The following TCFL5 variants were observed in gnomAD, a reference collection of about 807,000 sequenced individuals.
The protein encoded by TCFL5 is transcription factor-like 5 protein.
TCFL5 carries 9 observed loss-of-function variants against 44.3 expected under a neutral mutation model. The ratio of observed to expected loss-of-function variants is 0.20; its 90% CI spans 0.12 to 0.35. The LOEUF (loss-of-function observed/expected upper bound fraction) is 0.35. Ranked by LOEUF, TCFL5 falls within the 10% of genes least tolerant of loss-of-function variation. The probability of loss-of-function intolerance (pLI) is 1.00; values close to 1 mark genes in which losing one functional copy is unlikely to be tolerated. For missense variants in TCFL5, 603 were observed against 613.4 expected (o/e 0.98, Z 0.18); for synonymous variants, 319 against 271.6 (o/e 1.17, Z -1.72).
chr20:62,848,066 C>G (rs1465343377), intron 5 of TCFL5, among the ~76,000 whole-genome samples: 1 of 152,226 alleles, frequency 6.6e-6, no homozygotes, highest in South Asian at 2.1e-4. Context: ...CGGGAGAAGT[C>G]ACAGCGTGTC....
chr20:62,844,627 G>A (rs1335462113), intron 5 of TCFL5, among the ~76,000 whole-genome samples: 1 of 149,286 alleles, frequency 6.7e-6, no homozygotes, highest in African/African-American at 2.5e-5. Context: ...ACCCAGGCTG[G>A]AGTGCAACAG....
chr20:62,853,840 C>A (rs1343254699), intron 5 of TCFL5, among the ~76,000 whole-genome samples, 176 bp downstream of exon 5: 7 of 152,172 alleles, frequency 4.6e-5, no homozygotes, highest in Admixed American at 4.6e-4. Context: ...GTGACTATTA[C>A]TTTAATAAAT....
chr20:62,854,371 G>C (rs867976376), intron 4 of TCFL5, among the ~76,000 whole-genome samples: 2 of 152,172 alleles, frequency 1.3e-5, no homozygotes, highest in African/African-American at 4.8e-5. Context: ...GAGCATCCTC[G>C]GGTGCCCTTG....
Position 62,861,439 on chromosome 20 carries a change from T to C in TCFL5, c.232A>G (p.Asn78Asp). Residue 78 changes from asparagine to aspartate, a missense_variant, in exon 1 of 6, where the codon AAC becomes GAC. Asn to Asp is a conservative substitution (Grantham distance 23). Transcript: ENST00000335351. This position sits in a 1 kb window ranked among gnomAD's most constrained non-coding sequence, Gnocchi z 4.0. ...CCCGCCGCCGCCAGCAGCGCCGAGT[T>C]GAGGCGCGTCTCGAGCTCGCCGTCA... ...AADGELETRLNSALLAAAGPG... is the reference protein window; with the variant it reads ...AADGELETRLDSALLAAAGPG... 1 of 1,164,746 alleles carries C rather than the reference T, an allele frequency of 8.6e-7. No homozygotes were observed. The highest frequency in any genetic ancestry group is 1.1e-6 in the Non-Finnish European group (1 of 936,136). The allele number at this position is 1,164,746 out of a possible 1,614,324, so 72.2% of individuals were successfully genotyped here.
intron 5 of TCFL5, among the ~76,000 whole-genome samples, chr20:62,849,497 T>C (rs1226052562): frequency 6.6e-6 from 1 of 152,148 alleles, no homozygotes; most frequent in Non-Finnish European, 1.5e-5. Flanking sequence ...GCTTGAAAAC[T>C]GTCATCAAAT....
At position 62,861,047 on chromosome 20, in the gene TCFL5, G is replaced by C. The variant is rs1568799688; in HGVS notation, c.624C>G (p.Pro208=). ...ACTTGTTGAGCGCCCCGCCCGGCTCGGGGGGCTCGGGGCCGCGCGGCGCGG... is the reference window on the plus strand; with the variant it reads ...ACTTGTTGAGCGCCCCGCCCGGCTCCGGGGGCTCGGGGCCGCGCGGCGCGG... ...PPPAPRGPEP[P]EPGGALNNLV... The change falls in exon 1 of 6, where the codon CCC becomes CCG. Residue 208 remains proline (P), a synonymous_variant. Transcript: ENST00000335351. The surrounding 1 kb of genome is among the most constrained non-coding windows in gnomAD (Gnocchi z 4.0). The C allele has an allele frequency of 4.0e-6, 4 of 994,936 alleles. No homozygotes were observed. The Admixed American group carries it at 2.4e-4, about 61-fold the overall frequency. The allele number at this position is 994,936 out of a possible 1,614,324, so 61.6% of individuals were successfully genotyped here.
chr20:62,860,340 A>T (rs768483432), intron 1 of TCFL5, 32 bp from the exon 2 acceptor site: 13 of 1,582,126 alleles, frequency 8.2e-6, no homozygotes, highest in African/African-American at 1.3e-5. Flanking sequence ...CAGAAGTGTC[A>T]GCAATACGTG....
intron 4 of TCFL5, among the ~76,000 whole-genome samples, chr20:62,856,247 C>T (rs770960316): frequency 1.1e-4 from 13 of 120,620 alleles, no homozygotes; most frequent in Non-Finnish European, 1.9e-4. Flanking sequence ...AGCAAGACTC[C>T]GTCTCAAAAA....
chr20:62,841,922 A>G lies in TCFL5; in HGVS notation c.*53T>C, dbSNP rs2063683944. 3.1e-6 allele frequency: 5 copies of G among 1,607,744 alleles called. No homozygotes were observed. The East Asian group carries it at 8.9e-5, about 29-fold the overall frequency. ...AGCTCCAGGGTTGCAGAAGGCGTGC[A>G]CAGGTCACGAAGGAATGGCTGTTCA... On this transcript the variant is annotated 3_prime_UTR_variant, in exon 6 of 6. Coordinates refer to ENST00000335351, the MANE Select transcript of TCFL5 (RefSeq NM_006602.4).
chr20:62,850,670 T>C (rs1033595697), intron 5 of TCFL5, among the ~76,000 whole-genome samples: 2 of 152,170 alleles, frequency 1.3e-5, no homozygotes, highest in Admixed American at 1.3e-4. Flanking sequence ...ATATGGGTCA[T>C]GTCACTCACT....
chr20:62,861,427 GC>G lies in TCFL5; in HGVS notation c.243del (p.Leu82TrpfsTer50). 1 of 1,150,358 alleles carries G rather than the reference GC, an allele frequency of 8.7e-7. No homozygotes were observed. Among genetic ancestry groups the G allele is most frequent in the Non-Finnish European group, 1.1e-6 (1 of 930,496 alleles). 71.3% of individuals were successfully genotyped at this position (1,150,358 alleles called of 1,614,324 possible). On this transcript the variant is annotated frameshift_variant, in exon 1 of 6. Transcript: ENST00000335351. LOFTEE classifies it high-confidence loss of function. The surrounding 1 kb of genome is among the most constrained non-coding windows in gnomAD (Gnocchi z 4.0). Reference protein sequence around the residue: ...GELETRLNSALLAAAGPGAGA... With the variant: ...GELETRLNSAXLAAAGPGAGA... ...CCTGCGCCCGGGCCCGCCGCCGCCA[GC>G]AGCGCCGAGTTGAGGCGCGTCTCGA...
chr20:62,853,699 G>A (rs1207075141), intron 5 of TCFL5, among the ~76,000 whole-genome samples: 1 of 152,078 alleles, frequency 6.6e-6, no homozygotes, highest in African/African-American at 2.4e-5. Context: ...AAGTTTTTCT[G>A]AGGGCAAATA....
At chr20:62,846,984 C>T (rs775995136) in intron 5 of TCFL5, among the ~76,000 whole-genome samples, 3 of 151,626 alleles carry the variant, frequency 2.0e-5, no homozygotes, top group Non-Finnish European at 2.9e-5. Context: ...CGGGAGTTCA[C>T]GACCAGCCTC....
chr20:62,846,749 T>C (rs1298749899), intron 5 of TCFL5, among the ~76,000 whole-genome samples: 3 of 133,286 alleles, frequency 2.3e-5, no homozygotes, highest in African/African-American at 8.7e-5. Flanking sequence ...GGTGACAGAA[T>C]GAGGGCCCCT....
At chr20:62,856,121 G>A (rs951994411) in intron 4 of TCFL5, among the ~76,000 whole-genome samples, 3 of 148,780 alleles carry the variant, frequency 2.0e-5, no homozygotes, top group African/African-American at 7.4e-5. Context: ...GTAGTGGCGG[G>A]TACCTGTAAT....
rs797007263 is a variant in TCFL5 at position 62,842,403 on chromosome 20, C to CGCTAATGGG, written c.1381-315_1381-307dup. Among the ~76,000 whole-genome samples, 14 of 152,216 alleles carry CGCTAATGGG rather than the reference C, an allele frequency of 9.2e-5. No individual in the cohort carries two copies. Among genetic ancestry groups the CGCTAATGGG allele is most frequent in the African/African-American group, 3.4e-4 (14 of 41,516 alleles). On this transcript the variant is annotated intron_variant, in intron 5 of 5. Transcript: ENST00000335351. This position sits in a 1 kb window ranked among gnomAD's most constrained non-coding sequence, Gnocchi z 4.3. ...ATATACATGACATGAACGTTTCAACCGCTAATGGGCCCTAGCTAATAAACC... is the reference window on the plus strand; with the variant it reads ...ATATACATGACATGAACGTTTCAACCGCTAATGGGGCTAATGGGCCCTAGCTAATAAACC...
At chr20:62,848,556 G>A (rs1192607679) in intron 5 of TCFL5, among the ~76,000 whole-genome samples, 1 of 152,114 alleles carries the variant, frequency 6.6e-6, no homozygotes, top group Non-Finnish European at 1.5e-5. Flanking sequence ...TGGCCAACAT[G>A]GCGAAACACT....
At chr20:62,845,584 G>C in intron 5 of TCFL5, 2 of 1,534,144 alleles carry the variant, frequency 1.3e-6, no homozygotes, top group Non-Finnish European at 1.8e-6. Flanking sequence ...TCAGAGCCTG[G>C]GCCGGCTCCG....
intron 5 of TCFL5, among the ~76,000 whole-genome samples, chr20:62,847,883 C>G (rs1401373590): frequency 6.6e-6 from 1 of 152,168 alleles, no homozygotes; most frequent in Admixed American, 6.5e-5. Context: ...GGTGGCGTGA[C>G]CAAACGGCAT....
Sources: allele counts gnomAD v4.1 joint callset (sites outside exome capture counted in the v4.1 genomes callset), GRCh38; gene constraint gnomAD v4.1.1; non-coding constraint Gnocchi (gnomAD v3.1); transcripts MANE v1.5; gene names NCBI Gene and HGNC (gene_info 2026-07-23, HGNC 2026-07-21).